ADAMTS20: variants seen among roughly 807,000 people sequenced by gnomAD.
The protein encoded by ADAMTS20 is ADAM metallopeptidase with thrombospondin type 1 motif 20, also known as A disintegrin and metalloproteinase with thrombospondin motifs 20.
Under a neutral mutation model 260.1 loss-of-function variants are expected in ADAMTS20, and 225 were observed. That is an observed-to-expected ratio of 0.87 (90% CI 0.78 to 0.97). The LOEUF (loss-of-function observed/expected upper bound fraction) is 0.97, where lower values mean the gene tolerates loss of function less well. Among genes scored for constraint, ADAMTS20 ranks in the 50% least tolerant of loss-of-function variants. The probability of loss-of-function intolerance (pLI) is 0.00; values close to 1 mark genes in which losing one functional copy is unlikely to be tolerated. For synonymous variants in ADAMTS20, 802 were observed against 769.5 expected, an observed-to-expected ratio of 1.04 and a Z score of -0.70; for missense variants, 2,400 against 2,337.7, an observed-to-expected ratio of 1.03 and a Z score of -0.55.
At chr12:43,450,166 C>A (rs1024271851) in intron 14 of ADAMTS20, among the ~76,000 whole-genome samples, 3 of 152,054 alleles carry the variant, frequency 2.0e-5, no homozygotes, top group African/African-American at 7.2e-5. Context: ...CATAACAGTG[C>A]TTATTTTTAA....
At chr12:43,451,026 A>T (rs2137349023) in intron 14 of ADAMTS20, among the ~76,000 whole-genome samples, 1 of 152,286 alleles carries the variant, frequency 6.6e-6, no homozygotes, top group East Asian at 1.9e-4. Context: ...ATGAAATCAA[A>T]CTAAGTGTCC....
At chr12:43,469,588 A>C (rs1942216125) in intron 7 of ADAMTS20, among the ~76,000 whole-genome samples, 1 of 152,024 alleles carries the variant, frequency 6.6e-6, no homozygotes, top group South Asian at 2.1e-4. Flanking sequence ...TTGGTTGTAA[A>C]TTTATCTGCT....
intron 3 of ADAMTS20, among the ~76,000 whole-genome samples, chr12:43,514,215 G>A (rs1376505942): frequency 6.6e-6 from 1 of 150,802 alleles, no homozygotes; most frequent in Non-Finnish European, 1.5e-5. Flanking sequence ...GCCTCCCAAA[G>A]CTCTGGGATT....
At chr12:43,454,089 G>T in intron 11 of ADAMTS20, 37 bp from the exon 12 acceptor site, 1 of 1,596,460 alleles carries the variant, frequency 6.3e-7, no homozygotes, top group Non-Finnish European at 8.5e-7. Flanking sequence ...AATGATGTGT[G>T]TCTCTAATTA....
intron 37 of ADAMTS20, among the ~76,000 whole-genome samples, chr12:43,359,137 C>T (rs1939814431): frequency 6.6e-6 from 1 of 152,142 alleles, no homozygotes; most frequent in Admixed American, 6.5e-5. Flanking sequence ...CTTCTACTCT[C>T]CTGACATTTT....
intron 28 of ADAMTS20, among the ~76,000 whole-genome samples, chr12:43,424,766 C>A (rs528643825): frequency 6.6e-6 from 1 of 151,538 alleles, no homozygotes; most frequent in Non-Finnish European, 1.5e-5. Context: ...AAACATAAAA[C>A]GGAGAAAAAT....
At chr12:43,485,727 G>A (rs978112800) in intron 7 of ADAMTS20, among the ~76,000 whole-genome samples, 3 of 152,028 alleles carry the variant, frequency 2.0e-5, no homozygotes, top group African/African-American at 7.2e-5. Flanking sequence ...TAAAGTCTTA[G>A]GTTCCCAAAT....
chr12:43,474,302 C>A (rs1434012685), intron 7 of ADAMTS20, among the ~76,000 whole-genome samples: 1 of 144,162 alleles, frequency 6.9e-6, no homozygotes, highest in Non-Finnish European at 1.5e-5. Flanking sequence ...GAAGTTGAAT[C>A]TCTGAATAGA....
intron 7 of ADAMTS20, among the ~76,000 whole-genome samples, chr12:43,485,771 CA>C (rs1942513780): frequency 6.6e-6 from 1 of 151,952 alleles, no homozygotes; most frequent in South Asian, 2.1e-4. Flanking sequence ...TGCTATACAC[CA>C]AAAACAATCA....
intron 7 of ADAMTS20, among the ~76,000 whole-genome samples, chr12:43,484,678 G>T (rs1209448834): frequency 2.0e-5 from 3 of 152,020 alleles, no homozygotes; most frequent in Non-Finnish European, 2.9e-5. Context: ...AAGTCTCCAA[G>T]AAATATGAGA....
intron 37 of ADAMTS20, among the ~76,000 whole-genome samples, chr12:43,364,369 C>T (rs1939938046): frequency 6.6e-6 from 1 of 152,032 alleles, no homozygotes; most frequent in South Asian, 2.1e-4. Flanking sequence ...GAAAAACTTC[C>T]TTTGAGAGAT....
intron 37 of ADAMTS20, among the ~76,000 whole-genome samples, chr12:43,358,037 A>G (rs1939781504): frequency 6.6e-6 from 1 of 152,190 alleles, no homozygotes; most frequent in African/African-American, 2.4e-5. Context: ...TAGGTTTTTC[A>G]CCAAATAAAG....
chr12:43,540,561 C>T (rs1391134232), intron 2 of ADAMTS20, among the ~76,000 whole-genome samples: 2 of 152,154 alleles, frequency 1.3e-5, no homozygotes, highest in East Asian at 3.9e-4. Flanking sequence ...AATATTAGAG[C>T]TTTGCCTAAA....
chr12:43,361,796 T>C (rs1939873380), intron 37 of ADAMTS20, among the ~76,000 whole-genome samples: 2 of 152,250 alleles, frequency 1.3e-5, no homozygotes, highest in African/African-American at 4.8e-5. Context: ...TTTGTAATAA[T>C]TGGACTTATG....
At chr12:43,483,807 C>T (rs1202559878) in intron 7 of ADAMTS20, among the ~76,000 whole-genome samples, 3 of 152,180 alleles carry the variant, frequency 2.0e-5, no homozygotes, top group Non-Finnish European at 4.4e-5. Flanking sequence ...ATTGCATTTA[C>T]TCACCTGCTT....
chr12:43,497,964 A>G (rs2137439247), intron 4 of ADAMTS20, among the ~76,000 whole-genome samples: 1 of 152,274 alleles, frequency 6.6e-6, no homozygotes, highest in Non-Finnish European at 1.5e-5. Flanking sequence ...GTATCAAAAT[A>G]AATATACTGA....
intron 28 of ADAMTS20, among the ~76,000 whole-genome samples, chr12:43,407,092 T>C (rs1940933279): frequency 6.6e-6 from 1 of 152,032 alleles, no homozygotes; most frequent in South Asian, 2.1e-4. Context: ...CAGGCATTCT[T>C]TGACTATTCA....
At position 43,354,044 on chromosome 12, in the gene ADAMTS20, C is replaced by A; in HGVS notation, c.*165G>T. 2 of 440,812 alleles carry A rather than the reference C, an allele frequency of 4.5e-6. No individual in the cohort carries two copies. The highest frequency in any genetic ancestry group is 5.0e-5 in the South Asian group (1 of 20,122). 27.3% of individuals were successfully genotyped at this position (440,812 alleles called of 1,614,324 possible). ...TAGCTCTTAAATTTCTTTTATAGAC[C>A]TTATTAAGCAGTGATTTGAATCCCT... On this transcript the variant is annotated 3_prime_UTR_variant, in exon 39 of 39. Transcript: ENST00000389420.
chr12:43,520,921 A>G (rs1371133272), intron 3 of ADAMTS20, among the ~76,000 whole-genome samples: 2 of 152,212 alleles, frequency 1.3e-5, no homozygotes, highest in Non-Finnish European at 2.9e-5. Context: ...TCCACTTTAA[A>G]AAAAGAATCT....
Sources: allele counts gnomAD v4.1 joint callset (sites outside exome capture counted in the v4.1 genomes callset), GRCh38; gene constraint gnomAD v4.1.1; transcripts MANE v1.5; gene names NCBI Gene and HGNC (gene_info 2026-07-23, HGNC 2026-07-21).